LILRB2: variants seen among roughly 807,000 people sequenced by gnomAD.
The protein encoded by LILRB2 is leukocyte immunoglobulin-like receptor subfamily B member 2.
LILRB2 carries 47 observed loss-of-function variants against 72.7 expected under a neutral mutation model. That is an observed-to-expected ratio of 0.65 (90% confidence interval 0.51 to 0.82). LILRB2 has a LOEUF of 0.82. LILRB2 is among the 40% of genes least tolerant of loss of function. The pLI, the probability that LILRB2 is intolerant of heterozygous loss-of-function variation, is 0.00. For missense variants in LILRB2, 767 were observed against 764.8 expected (o/e 1.00, Z -0.03); for synonymous variants, 279 against 313.7 (o/e 0.89, Z 1.17).
intron 13 of LILRB2, chr19:54,275,665 C>G (rs567510113): frequency 2.2e-4 from 129 of 576,096 alleles, no homozygotes; most frequent in East Asian, 1.8e-3. Context: ...CCCAGGGGAC[C>G]GGGGTGGTTC....
intron 11 of LILRB2, 26 bp from the exon 12 acceptor site, chr19:54,276,327 G>A (rs2080223615): frequency 1.9e-6 from 3 of 1,613,952 alleles, no homozygotes; most frequent in South Asian, 2.2e-5. Flanking sequence ...GAGCTTTAGG[G>A]GCAGTGTATG....
rs762219135 is a variant in LILRB2 at position 54,279,604 on chromosome 19, C to G, written c.399G>C (p.Val133=). ...KPTLSAQPSP[V]VTSGGRVTLQ... ...GGGTCACCCTTCCTCCTGAGGTCACCACAGGGCTGGGCTGGGCTGAGAGGG... is the reference window on the plus strand; with the variant it reads ...GGGTCACCCTTCCTCCTGAGGTCACGACAGGGCTGGGCTGGGCTGAGAGGG... Residue 133 remains valine (V), a synonymous_variant, in exon 5 of 14, where the codon GTG becomes GTC. Coordinates refer to ENST00000314446, the MANE Select transcript of LILRB2 (RefSeq NM_001080978.4). 6.2e-7 allele frequency: 1 copy of G among 1,614,106 alleles called. No individual in the cohort carries two copies.
At chr19:54,275,580 C>T in intron 13 of LILRB2, 1 of 525,208 alleles carries the variant, frequency 1.9e-6, no homozygotes, top group Non-Finnish European at 3.8e-6. Flanking sequence ...CCTGCTGTGT[C>T]TGCAGCTCCC....
Position 54,276,598 on chromosome 19 carries a change from AG to A in LILRB2, c.1481-143del. ...GCCTCATGAGATGGACAGAGTCCGA[AG>A]GACACTTTACATTTGTAGATGGGAC... is the stretch of plus-strand genomic sequence containing the variant. On this transcript the variant is annotated intron_variant, in intron 10 of 13. Transcript: ENST00000314446. 3 of 1,436,872 alleles carry A rather than the reference AG, an allele frequency of 2.1e-6. No homozygotes were observed. The South Asian group carries it at 4.1e-5, about 20-fold the overall frequency. The allele number at this position is 1,436,872 out of a possible 1,614,324, so 89.0% of individuals were successfully genotyped here.
rs113139600 is a variant in LILRB2 at position 54,277,289 on chromosome 19, G to A, written c.1357+261C>T. Reference sequence around the variant, plus strand: ...AGGTCACCGTCTCTGCTGCAGGTGGGACGGGACAGGCCCCCGCGGAATCGA... The same window carrying A: ...AGGTCACCGTCTCTGCTGCAGGTGGAACGGGACAGGCCCCCGCGGAATCGA... On this transcript the variant is annotated intron_variant, in intron 9 of 13. Transcript: ENST00000314446. The A allele has an allele frequency of 3.7e-4, 529 of 1,432,194 alleles. 3 individuals carry two copies. The African/African-American group carries it at 6.6e-3, about 18-fold the overall frequency. 88.7% of individuals were successfully genotyped at this position (1,432,194 alleles called of 1,614,324 possible).
intron 13 of LILRB2, chr19:54,275,441 G>A (rs905480979): frequency 1.7e-5 from 9 of 517,380 alleles, no homozygotes; most frequent in Admixed American, 1.2e-4. Context: ...TGGCCCCACT[G>A]CCCCACACTC....
chr19:54,280,701 G>T, intron 1 of LILRB2, 157 bp from the exon 2 acceptor site: 1 of 1,043,672 alleles, frequency 9.6e-7, no homozygotes, highest in Non-Finnish European at 1.4e-6. Flanking sequence ...TTCTTTTAGA[G>T]CTGAGGTGGG....
chr19:54,279,662 G>A lies in LILRB2; in HGVS notation c.356-15C>T, dbSNP rs755272064. On this transcript the variant is annotated splice_polypyrimidine_tract_variant and intron_variant, in intron 4 of 13. Transcript: ENST00000314446. ...TGGGTAGGCTCCTAGGAGAGAAGGAGGCATCGTGTTAAATGGGGCTCCCAC... is the reference window on the plus strand; with the variant it reads ...TGGGTAGGCTCCTAGGAGAGAAGGAAGCATCGTGTTAAATGGGGCTCCCAC... The A allele has an allele frequency of 9.4e-6, 15 of 1,601,952 alleles. No homozygotes were observed. The East Asian group carries it at 2.7e-4, about 29-fold the overall frequency.
chr19:54,280,746 T>G, intron 1 of LILRB2: 1 of 381,104 alleles, frequency 2.6e-6, no homozygotes, highest in Non-Finnish European at 4.4e-6. Flanking sequence ...CATTTCAGAC[T>G]GTAATGGGGT....
Position 54,273,907 on chromosome 19 carries a change from C to A in LILRB2, c.*776G>T, listed in dbSNP as rs1163758918. ...ACACATATATATACACACACATACA[C>A]ACACATTTAAAATGAGTCAGATTCT... On this transcript the variant is annotated 3_prime_UTR_variant, in exon 14 of 14. Transcript: ENST00000314446. 1 of 152,322 alleles carries A rather than the reference C, an allele frequency of 6.6e-6. No individual in the cohort carries two copies. The highest frequency in any genetic ancestry group is 1.5e-5 in the Non-Finnish European group (1 of 68,134). The allele number at this position is 152,322 out of a possible 1,614,324, so 9.4% of individuals were successfully genotyped here. A position where few individuals can be genotyped will look rare whatever the true frequency, so the allele number is the denominator to read the frequency against.
At chr19:54,280,170 T>C (rs2080482732) in intron 3 of LILRB2, 94 bp downstream of exon 3, 8 of 1,611,558 alleles carry the variant, frequency 5.0e-6, no homozygotes, top group Non-Finnish European at 6.8e-6. Context: ...CATCAGTCAG[T>C]CCAGAACTTC....
In LILRB2 at chr19:54,279,466, G is replaced by T. The variant is rs369395663; in HGVS notation, c.537C>A (p.Ala179=). The T allele has an allele frequency of 6.2e-7, 1 of 1,614,046 alleles. No individual in the cohort carries two copies. The highest frequency in any genetic ancestry group is 1.3e-5 in the African/African-American group (1 of 74,926). ...GGCTCACGGGGCCCACGGAGAAGAT[G>T]GCGCGGGACGACCCACGGGCATGGG... ...SQPHARGSSR[A]IFSVGPVSPN... The change falls in exon 5 of 14, where the codon GCC becomes GCA. Residue 179 remains alanine, a synonymous_variant. Coordinates refer to ENST00000314446, the MANE Select transcript of LILRB2 (RefSeq NM_001080978.4).
chr19:54,275,161 C>T lies in LILRB2; in HGVS notation c.1648-332G>A, dbSNP rs866246018. 4,017 of 1,491,346 alleles carry T rather than the reference C, an allele frequency of 2.7e-3. 102 individuals carry two copies. In the South Asian group the frequency reaches 0.045, roughly 17 times the overall value. 92.4% of individuals were successfully genotyped at this position (1,491,346 alleles called of 1,614,324 possible). ...TTCCCGGGGTGATCCGATTACATCC[C>T]TTTCCCGATGGAATCTCAGGGACGC... On this transcript the variant is annotated intron_variant, in intron 13 of 13. Transcript: ENST00000314446.
intron 13 of LILRB2, 162 bp from the exon 14 acceptor site, chr19:54,274,991 C>T (rs571298925): frequency 3.1e-6 from 5 of 1,609,404 alleles, no homozygotes; most frequent in Non-Finnish European, 3.4e-6. Flanking sequence ...GGAGGAGAGG[C>T]CATTTCTCTC....
chr19:54,277,228 G>A (rs956641693), intron 9 of LILRB2: 102 of 1,535,818 alleles, frequency 6.6e-5, no homozygotes, highest in East Asian at 6.6e-4. Context: ...GAGCCTTACC[G>A]TCCTGAACCA....
chr19:54,280,111 T>A (rs1442744819), intron 3 of LILRB2, 36 bp from the exon 4 acceptor site: 1 of 1,611,740 alleles, frequency 6.2e-7, no homozygotes, highest in African/African-American at 1.3e-5. Flanking sequence ...CGAAGTCATT[T>A]CCCACCCAAC....
chr19:54,278,290 G>A lies in LILRB2; in HGVS notation c.1228C>T (p.Pro410Ser), dbSNP rs146672031. ...LNSDPYLLSH[P>S]SEPLELVVSG... Reference sequence around the variant, plus strand: ...ACCACGAGCTCCAGGGGCTCACTGGGGTGAGACAGCAGGTAGGGGTCGGAG... The same window carrying A: ...ACCACGAGCTCCAGGGGCTCACTGGAGTGAGACAGCAGGTAGGGGTCGGAG... The change falls in exon 7 of 14, where the codon CCC becomes TCC. Residue 410 changes from proline (P) to serine (S), a missense_variant. Physicochemically the swap from Pro to Ser is moderately conservative, Grantham distance 74. Around this residue, in one of 3 missense-constraint regions of LILRB2, gnomAD observed 599 missense variants for 568.2 expected, o/e 1.05. Transcript: ENST00000314446. The A allele has an allele frequency of 1.2e-6, 2 of 1,614,168 alleles. No homozygotes were observed. The highest frequency in any genetic ancestry group is 1.7e-5 in the Admixed American group (1 of 60,032).
In LILRB2 at chr19:54,273,852, T is replaced by G. The variant is rs1312248532; in HGVS notation, c.*831A>C. On this transcript the variant is annotated 3_prime_UTR_variant, in exon 14 of 14. Transcript: ENST00000314446. Reference sequence around the variant, plus strand: ...GGGAACATTTTTATTACAGTCAATGTTTTTCACACACACACACACACACAC... The same window carrying G: ...GGGAACATTTTTATTACAGTCAATGGTTTTCACACACACACACACACACAC... 1 of 116,440 alleles carries G rather than the reference T, an allele frequency of 8.6e-6. No individual in the cohort carries two copies. Among genetic ancestry groups the G allele is most frequent in the Non-Finnish European group, 1.8e-5 (1 of 54,056 alleles). The allele number at this position is 116,440 out of a possible 1,614,324, so 7.2% of individuals were successfully genotyped here.
rs2080470425 is a variant in LILRB2 at position 54,279,928 on chromosome 19, A to T, written c.218T>A (p.Ile73Lys). 1 of 1,613,934 alleles carries T rather than the reference A, an allele frequency of 6.2e-7. No individual in the cohort carries two copies. Among genetic ancestry groups the T allele is most frequent in the Non-Finnish European group, 8.5e-7 (1 of 1,179,990 alleles). The change falls in exon 4 of 14, where the codon ATA becomes AAA. Residue 73 changes from isoleucine (I) to lysine (K), a missense_variant. By Grantham distance (102) the Ile-to-Lys change is moderately radical. Around this residue, in one of 3 missense-constraint regions of LILRB2, gnomAD observed 599 missense variants for 568.2 expected, o/e 1.05. Transcript: ENST00000314446. ...GCCGTTCTTCACAAGCTCTGGTCGT[A>T]TCCGTGTAATCCAAGATGCTGATTT... ...EKKSASWITR[I>K]RPELVKNGQF...
Sources: gnomAD v4.1 joint callset for allele counts on GRCh38, gnomAD v4.1.1 for gene constraint, gnomAD v4.1.1 regional missense constraint, MANE v1.5 for transcripts, NCBI Gene and HGNC (gene_info 2026-07-23, HGNC 2026-07-21) for gene names.